The following PCDH9 variants were observed in gnomAD, a reference collection of about 807,000 sequenced individuals.
PCDH9 encodes protocadherin-9.
A neutral mutation model predicts 70.6 loss-of-function variants in PCDH9; 24 were observed. The observed-to-expected ratio is 0.34, with a 90% CI of 0.25 to 0.48. The LOEUF (loss-of-function observed/expected upper bound fraction) is 0.48, where lower values mean the gene tolerates loss of function less well. PCDH9 is among the 20% of genes least tolerant of loss of function. PCDH9 has a pLI of 0.99. For synonymous variants in PCDH9, 562 were observed against 558.5 expected (o/e 1.01, Z -0.09); for missense variants, 1,281 against 1,503.6 (o/e 0.85, Z 2.45).
At chr13:67,004,417 A>G (rs2084307276) in intron 2 of PCDH9, among the ~76,000 whole-genome samples, 1 of 151,970 alleles carries the variant, frequency 6.6e-6, no homozygotes, top group Non-Finnish European at 1.5e-5. Context: ...CTAAAAATCC[A>G]AAAATTAGCC....
intron 3 of PCDH9, among the ~76,000 whole-genome samples, chr13:66,670,812 T>C (rs2139037516): frequency 1.3e-5 from 2 of 151,218 alleles, no homozygotes; most frequent in Middle Eastern, 6.8e-3. Context: ...CGAGTATCTG[T>C]AGAAATGTGA....
At chr13:67,084,840 G>A (rs373061084) in intron 2 of PCDH9, among the ~76,000 whole-genome samples, 16 of 150,012 alleles carry the variant, frequency 1.1e-4, no homozygotes, top group South Asian at 2.1e-4. Flanking sequence ...GGTGGCGGGC[G>A]CCTGTAGTCC....
At chr13:67,008,049 TCA>T (rs932507976) in intron 2 of PCDH9, among the ~76,000 whole-genome samples, 63 of 152,180 alleles carry the variant, frequency 4.1e-4, no homozygotes, top group African/African-American at 1.5e-3. Flanking sequence ...CTGCAAAAGC[TCA>T]CATACATTTT....
intron 4 of PCDH9, among the ~76,000 whole-genome samples, chr13:66,308,626 G>C (rs1955510974): frequency 6.6e-6 from 1 of 152,020 alleles, no homozygotes; most frequent in Admixed American, 6.6e-5. Context: ...AGCTCTAGGG[G>C]ACAGTTTATA....
intron 4 of PCDH9, among the ~76,000 whole-genome samples, chr13:66,600,709 C>T (rs2077155084): frequency 8.8e-6 from 1 of 113,200 alleles, no homozygotes; most frequent in Non-Finnish European, 2.2e-5. Flanking sequence ...TGAACTCTTT[C>T]TTATGTATTC....
intron 3 of PCDH9, among the ~76,000 whole-genome samples, chr13:66,878,578 C>A (rs1428590608): frequency 6.6e-6 from 1 of 152,082 alleles, no homozygotes; most frequent in Admixed American, 6.6e-5. Context: ...CTTGAACACC[C>A]GATTTTATCT....
chr13:66,530,357 A>G (rs976879483), intron 4 of PCDH9, among the ~76,000 whole-genome samples: 2 of 152,212 alleles, frequency 1.3e-5, no homozygotes, highest in Admixed American at 6.5e-5. Flanking sequence ...CTGACTTGGT[A>G]ACATTTTACT....
At chr13:66,613,434 C>T (rs1373346162) in intron 4 of PCDH9, among the ~76,000 whole-genome samples, 1 of 151,272 alleles carries the variant, frequency 6.6e-6, no homozygotes, top group African/African-American at 2.4e-5. Flanking sequence ...TAGGCTAGGC[C>T]CCTCAACTGT....
chr13:66,623,545 C>A (rs150174257), intron 4 of PCDH9, among the ~76,000 whole-genome samples: 2,779 of 152,216 alleles, frequency 0.018, 49 homozygotes, highest in Middle Eastern at 0.037. Flanking sequence ...CTCAGGCAAT[C>A]CCCCCACCTC....
chr13:66,643,867 T>C (rs913145733), intron 3 of PCDH9, among the ~76,000 whole-genome samples: 1 of 152,070 alleles, frequency 6.6e-6, no homozygotes, highest in African/African-American at 2.4e-5. Context: ...AATTGCCTTC[T>C]AATTTTTGTC....
At chr13:66,792,912 GA>G (rs71207604) in intron 3 of PCDH9, among the ~76,000 whole-genome samples, 8,976 of 152,126 alleles carry the variant, frequency 0.059, 320 homozygotes, top group East Asian at 0.11. Flanking sequence ...TATTGATAGT[GA>G]AAATGTTAAA....
chr13:66,320,584 A>C (rs754718246), intron 4 of PCDH9, among the ~76,000 whole-genome samples: 2 of 151,960 alleles, frequency 1.3e-5, no homozygotes, highest in Non-Finnish European at 2.9e-5. Context: ...AACACTCCCA[A>C]ATGTTCTCCC....
intron 4 of PCDH9, among the ~76,000 whole-genome samples, chr13:66,531,332 C>G (rs1960444843): frequency 6.6e-6 from 1 of 152,044 alleles, no homozygotes; most frequent in East Asian, 1.9e-4. Context: ...AAACAACAGT[C>G]TTTATCCCCG....
intron 2 of PCDH9, among the ~76,000 whole-genome samples, chr13:67,051,827 A>G (rs1255805376): frequency 2.0e-5 from 3 of 152,208 alleles, no homozygotes; most frequent in Admixed American, 2.0e-4. Context: ...GCTAAGTTAC[A>G]TCTTTGGAAG....
chr13:66,700,944 A>G lies in PCDH9; in HGVS notation c.3139-69533T>C, dbSNP rs557825398. ...TATAAATATATATATATATATATAT[A>G]TATATATATATATATATATATATAT... On this transcript the variant is annotated intron_variant, in intron 3 of 4. Transcript: ENST00000377865. Among the ~76,000 whole-genome samples the G allele has an allele frequency of 1.3e-3, 165 of 131,284 alleles. 9 individuals are homozygous for G. Among genetic ancestry groups the G allele is most frequent in the Non-Finnish European group, 1.8e-3 (112 of 61,590 alleles). 86.1% of individuals were successfully genotyped at this position (131,284 alleles called of 152,430 possible). A position where few individuals can be genotyped will look rare whatever the true frequency, so the allele number is the denominator to read the frequency against.
chr13:66,949,059 G>A (rs1267504843), intron 2 of PCDH9, among the ~76,000 whole-genome samples: 1 of 152,020 alleles, frequency 6.6e-6, no homozygotes, highest in Non-Finnish European at 1.5e-5. Context: ...GATAAAACAA[G>A]TAGGCGTACG....
intron 4 of PCDH9, among the ~76,000 whole-genome samples, chr13:66,484,289 T>C (rs1432390806): frequency 6.6e-6 from 1 of 152,012 alleles, no homozygotes; most frequent in Admixed American, 6.5e-5. Context: ...ACACGTCCAC[T>C]GGGGATTCAG....
intron 2 of PCDH9, among the ~76,000 whole-genome samples, chr13:67,047,132 G>A (rs1299132491): frequency 6.6e-6 from 1 of 151,986 alleles, no homozygotes; most frequent in Non-Finnish European, 1.5e-5. Flanking sequence ...ATGTACTCTT[G>A]GTTACACAAC....
intron 2 of PCDH9, among the ~76,000 whole-genome samples, chr13:67,025,185 T>C (rs2084755626): frequency 6.6e-6 from 1 of 152,116 alleles, no homozygotes. Flanking sequence ...TGGTGCTATA[T>C]GCTAATTTTT....
Sources: gnomAD v4.1 joint callset for allele counts (sites outside exome capture counted in the v4.1 genomes callset) on GRCh38, gnomAD v4.1.1 for gene constraint, MANE v1.5 for transcripts, NCBI Gene and HGNC (gene_info 2026-07-23, HGNC 2026-07-21) for gene names.